Variants in CHSY3 observed in about 807,000 individuals in gnomAD.
CHSY3 encodes the protein N-acetylgalactosaminyl-proteoglycan 3-beta-glucuronosyltransferase 3.
A neutral mutation model predicts 67.2 loss-of-function variants in CHSY3; 35 were observed. That is an observed-to-expected ratio of 0.52 (90% confidence interval 0.40 to 0.69). The LOEUF is 0.69. Ranked by LOEUF, CHSY3 falls within the 30% of genes least tolerant of loss-of-function variation. The pLI is 0.00. For missense variants in CHSY3, 1,069 were observed against 1,138.5 expected, an observed-to-expected ratio of 0.94 and a Z score of 0.88; for synonymous variants, 474 against 434.7, an observed-to-expected ratio of 1.09 and a Z score of -1.12.
intron 2 of CHSY3, among the ~76,000 whole-genome samples, chr5:130,137,908 T>C (rs1384429170): frequency 6.6e-6 from 1 of 152,186 alleles, no homozygotes; most frequent in Non-Finnish European, 1.5e-5. Flanking sequence ...TTACAACTTC[T>C]ACCTTCAAGC....
chr5:130,062,103 T>G (rs1580696669), intron 2 of CHSY3, among the ~76,000 whole-genome samples: 1 of 152,078 alleles, frequency 6.6e-6, no homozygotes, highest in Non-Finnish European at 1.5e-5. Context: ...CTCATGTTCA[T>G]TGCTGTCCTA....
chr5:129,906,029 G>T (rs1760280340), intron 1 of CHSY3: 1 of 195,882 alleles, frequency 5.1e-6, no homozygotes. Flanking sequence ...GAGGGGCGTG[G>T]TCTTCAGGAA....
intron 2 of CHSY3, among the ~76,000 whole-genome samples, chr5:130,096,698 A>AT (rs1052494388): frequency 2.2e-4 from 33 of 151,698 alleles, no homozygotes; most frequent in African/African-American, 7.0e-4. Flanking sequence ...GTTGCCAACC[A>AT]TTTTTTTTAG....
intron 2 of CHSY3, among the ~76,000 whole-genome samples, chr5:129,930,203 C>T (rs1428656759): frequency 6.6e-6 from 1 of 152,000 alleles, no homozygotes; most frequent in South Asian, 2.1e-4. Flanking sequence ...CATGGTGGCT[C>T]ATGCCTGTAA....
intron 2 of CHSY3, among the ~76,000 whole-genome samples, chr5:129,937,277 G>A (rs1761528617): frequency 6.6e-6 from 1 of 152,166 alleles, no homozygotes; most frequent in South Asian, 2.1e-4. Context: ...TCACATGGCT[G>A]GCAAGAGAGA....
chr5:129,904,932 A>G lies in CHSY3; in HGVS notation c.103A>G (p.Ser35Gly), dbSNP rs1208125346. ...WLIAPRVAEL[S>G]ERKRRGSSLC... ...CATCGCCCCCAGGGTGGCGGAGCTG[A>G]GCGAGAGGAAGAGACGTGGCTCCAG... is the stretch of plus-strand genomic sequence containing the variant. The change falls in exon 1 of 3, where the codon AGC becomes GGC. Residue 35 changes from serine (S) to glycine (G), a missense_variant. This residue lies in a region of CHSY3 where 309 missense variants were observed against 262.5 expected (regional missense o/e 1.18). Transcript: ENST00000305031. 3.2e-6 allele frequency: 5 copies of G among 1,546,900 alleles called. No individual in the cohort carries two copies. The highest frequency in any genetic ancestry group is 1.9e-5 in the Admixed American group (1 of 52,710).
intron 2 of CHSY3, among the ~76,000 whole-genome samples, chr5:129,994,763 T>C (rs887700535): frequency 3.3e-5 from 5 of 152,104 alleles, no homozygotes; most frequent in Non-Finnish European, 4.4e-5. Context: ...TGGATGAAGC[T>C]GGAAACCATC....
chr5:130,134,273 T>C (rs1768586925), intron 2 of CHSY3, among the ~76,000 whole-genome samples: 1 of 152,196 alleles, frequency 6.6e-6, no homozygotes, highest in Admixed American at 6.5e-5. Context: ...AACAATGTGA[T>C]TCATTCTATT....
intron 2 of CHSY3, among the ~76,000 whole-genome samples, chr5:130,055,326 C>A (rs1237388501): frequency 3.4e-5 from 5 of 149,102 alleles, no homozygotes; most frequent in African/African-American, 1.2e-4. Context: ...TGGAGGTCTA[C>A]AAAAGTGTTA....
intron 2 of CHSY3, among the ~76,000 whole-genome samples, chr5:130,004,616 G>A (rs1222967913): frequency 6.6e-6 from 1 of 152,146 alleles, no homozygotes; most frequent in Non-Finnish European, 1.5e-5. Context: ...AATTAGGATA[G>A]CCCAAATTAA....
intron 2 of CHSY3, among the ~76,000 whole-genome samples, chr5:129,930,966 A>T (rs1371340240): frequency 1.3e-5 from 2 of 152,064 alleles, no homozygotes; most frequent in African/African-American, 2.4e-5. Context: ...CAGTCTTTCC[A>T]TTTCAGTCGG....
intron 2 of CHSY3, among the ~76,000 whole-genome samples, chr5:129,951,991 G>A (rs1161886748): frequency 6.6e-6 from 1 of 152,166 alleles, no homozygotes; most frequent in East Asian, 1.9e-4. Context: ...GGAAGAGGGA[G>A]CATCTATGTA....
Position 130,185,330 on chromosome 5 carries a change from C to A in CHSY3, c.2188C>A (p.Arg730=). The change falls in exon 3 of 3, where the codon CGA becomes AGA. Residue 730 remains arginine (R), a synonymous_variant. Transcript: ENST00000305031. The part of the protein sequence containing the change: ...DLIFREDFLQ[R]CRDNTIQGQQ... ...GATCTTCAGAGAAGATTTTCTCCAA[C>A]GATGTAGAGACAATACAATTCAGGG... 1 of 1,607,514 alleles carries A rather than the reference C, an allele frequency of 6.2e-7. No individual in the cohort carries two copies. The highest frequency in any genetic ancestry group is 8.5e-7 in the Non-Finnish European group (1 of 1,174,028).
At chr5:129,996,332 AT>A (rs1763536803) in intron 2 of CHSY3, among the ~76,000 whole-genome samples, 1 of 152,178 alleles carries the variant, frequency 6.6e-6, no homozygotes, top group East Asian at 1.9e-4. Context: ...TAGCTTGCTT[AT>A]AAGAACTTTT....
rs1760866855 is a variant in CHSY3, at chr5:129,920,015, G to A, written c.1086+11655G>A. On this transcript the variant is annotated intron_variant, in intron 2 of 2. Coordinates refer to ENST00000305031, the MANE Select transcript of CHSY3 (RefSeq NM_175856.5). ...TGTACAGTATTCAATTATTAACCATGTTTACCATGCTGTGCAACAGATTCA... is the reference window on the plus strand; with the variant it reads ...TGTACAGTATTCAATTATTAACCATATTTACCATGCTGTGCAACAGATTCA... 2.0e-5 allele frequency among the ~76,000 whole-genome samples: 3 copies of A among 152,000 alleles called. No individual in the cohort carries two copies. The South Asian group carries it at 6.2e-4, about 32-fold the overall frequency.
chr5:129,992,020 T>C (rs1315562421), intron 2 of CHSY3, among the ~76,000 whole-genome samples: 1 of 152,160 alleles, frequency 6.6e-6, no homozygotes, highest in African/African-American at 2.4e-5. Flanking sequence ...CAAGAAGCAC[T>C]GGAGATAATC....
intron 2 of CHSY3, among the ~76,000 whole-genome samples, chr5:130,086,497 T>G (rs1253980974): frequency 6.6e-6 from 1 of 152,090 alleles, no homozygotes; most frequent in Non-Finnish European, 1.5e-5. Flanking sequence ...TTTGAGCCTA[T>G]GTGTGTCTCT....
chr5:129,918,551 G>A (rs1200653665), intron 2 of CHSY3, among the ~76,000 whole-genome samples: 1 of 152,148 alleles, frequency 6.6e-6, no homozygotes, highest in East Asian at 1.9e-4. Flanking sequence ...AGGAGTTTAA[G>A]GGAAGAAATG....
intron 2 of CHSY3, among the ~76,000 whole-genome samples, chr5:130,176,574 CA>C (rs1350109694): frequency 6.6e-6 from 1 of 152,142 alleles, no homozygotes; most frequent in African/African-American, 2.4e-5. Context: ...TTCACAATAG[CA>C]GAGACTTGGA....
Sources: allele counts gnomAD v4.1 joint callset (sites outside exome capture counted in the v4.1 genomes callset), GRCh38; gene constraint gnomAD v4.1.1; regional missense constraint gnomAD v4.1.1; transcripts MANE v1.5; gene names NCBI Gene and HGNC (gene_info 2026-07-23, HGNC 2026-07-21).